Variants in BLTP2 observed in about 807,000 individuals in gnomAD.
The protein encoded by BLTP2 is U937-associated antigen.
chr17:28,642,140 G>A, the BLTP2 span: 1 of 1,588,440 alleles, frequency 6.3e-7, no homozygotes. Flanking sequence ...AGGTCAAAAT[G>A]TGGTGATCTG....
chr17:28,640,718 A>G, the BLTP2 span: 2 of 1,608,874 alleles, frequency 1.2e-6, no homozygotes, highest in Non-Finnish European at 8.5e-7. Context: ...AGAACCATCA[A>G]TTCTTAACAC....
the BLTP2 span, chr17:28,640,041 T>C: frequency 6.2e-7 from 1 of 1,612,402 alleles, no homozygotes; most frequent in Admixed American, 1.7e-5. Context: ...CCGAGACAGA[T>C]TCCAGCTCAG....
chr17:28,636,093 T>A, the BLTP2 span: 3 of 153,540 alleles, frequency 2.0e-5, no homozygotes, highest in Non-Finnish European at 4.3e-5. Context: ...AGCACACAAG[T>A]CAATATGGCA....
chr17:28,626,015 G>A, the BLTP2 span, among the ~76,000 whole-genome samples: 2 of 152,166 alleles, frequency 1.3e-5, no homozygotes, highest in East Asian at 1.9e-4. Context: ...CATCCGCCTC[G>A]GCCTCCCAAA....
the BLTP2 span, chr17:28,637,041 G>T: frequency 1.2e-6 from 2 of 1,614,186 alleles, no homozygotes; most frequent in South Asian, 2.2e-5. Flanking sequence ...GATGTCAGGG[G>T]CCTTGCAACA....
chr17:28,644,038 CAG>C, the BLTP2 span: 34 of 1,613,444 alleles, frequency 2.1e-5, 1 homozygote, highest in East Asian at 2.9e-4. Context: ...CACACATATC[CAG>C]AGTTTCCCAG....
At chr17:28,638,375 G>A in the BLTP2 span, 14 of 1,614,008 alleles carry the variant, frequency 8.7e-6, no homozygotes, top group Admixed American at 1.7e-5. Context: ...CAGTTAGGAC[G>A]CCCCGCTGAT....
chr17:28,629,040 G>A, the BLTP2 span, among the ~76,000 whole-genome samples: 2 of 151,760 alleles, frequency 1.3e-5, no homozygotes, highest in Non-Finnish European at 2.9e-5. Flanking sequence ...TATACCTACT[G>A]TATTTTATTC....
the BLTP2 span, chr17:28,643,282 A>ACATTGTG: frequency 1.9e-6 from 3 of 1,614,146 alleles, no homozygotes; most frequent in Non-Finnish European, 2.5e-6. Context: ...TCTGATACGC[A>ACATTGTG]CTTCTCCAAA....
At chr17:28,633,426 TGA>T in the BLTP2 span, 1 of 1,600,200 alleles carries the variant, frequency 6.2e-7, no homozygotes. Context: ...GAGAATTTGG[TGA>T]GATATAGGTA....
the BLTP2 span, among the ~76,000 whole-genome samples, chr17:28,641,229 T>TG: frequency 6.6e-6 from 1 of 152,188 alleles, no homozygotes; most frequent in South Asian, 2.1e-4. Flanking sequence ...CATCCACACT[T>TG]GCTTGTGGAT....
the BLTP2 span, among the ~76,000 whole-genome samples, chr17:28,629,394 G>A: frequency 1.3e-5 from 2 of 151,892 alleles, no homozygotes; most frequent in East Asian, 1.9e-4. Context: ...AGGTTCAAGC[G>A]ATTCTCATGC....
At chr17:28,636,135 A>C in the BLTP2 span, among the ~76,000 whole-genome samples, 2 of 152,218 alleles carry the variant, frequency 1.3e-5, no homozygotes, top group Non-Finnish European at 2.9e-5. Flanking sequence ...CCTCAAGGAG[A>C]GAGTAGTGTC....
At chr17:28,639,348 G>C in the BLTP2 span, 3 of 1,614,140 alleles carry the variant, frequency 1.9e-6, no homozygotes, top group South Asian at 1.1e-5. Context: ...AGGTGAACTA[G>C]ACCCTTGGGT....
chr17:28,634,013 G>T, the BLTP2 span: 1 of 1,614,092 alleles, frequency 6.2e-7, no homozygotes, highest in Non-Finnish European at 8.5e-7. Flanking sequence ...CACTCTGCTC[G>T]GTGCCCACAA....
the BLTP2 span, chr17:28,639,937 CAG>C: frequency 6.2e-7 from 1 of 1,613,952 alleles, no homozygotes; most frequent in South Asian, 1.1e-5. Flanking sequence ...TGTGCCATAT[CAG>C]AGTTTGCTGT....
At chr17:28,614,960 C>T in the BLTP2 span, 2 of 1,082,254 alleles carry the variant, frequency 1.8e-6, no homozygotes, top group Non-Finnish European at 2.7e-6. Flanking sequence ...TGGGCTCTGA[C>T]ACCCACAAAT....
At chr17:28,629,409 G>T in the BLTP2 span, among the ~76,000 whole-genome samples, 2 of 151,916 alleles carry the variant, frequency 1.3e-5, no homozygotes, top group African/African-American at 4.8e-5. Flanking sequence ...TCATGCTTCA[G>T]TCTCCAAGTA....
chr17:28,642,544 G>A, the BLTP2 span: 16 of 580,218 alleles, frequency 2.8e-5, no homozygotes, highest in South Asian at 1.6e-4. Flanking sequence ...CCAGCTACTC[G>A]GGAGGCTGAG....
Sources: gnomAD v4.1 joint callset for allele counts (sites outside exome capture counted in the v4.1 genomes callset) on GRCh38, gnomAD v4.1.1 for gene constraint, MANE v1.5 for transcripts, NCBI Gene and HGNC (gene_info 2026-07-23, HGNC 2026-07-21) for gene names.